The following BRF1 variants were observed in gnomAD, a reference collection of about 807,000 sequenced individuals.
BRF1 encodes the protein BRF1 general transcription factor IIIB subunit.
BRF1 carries 59 observed loss-of-function variants against 81.7 expected under a neutral mutation model. The observed-to-expected ratio is 0.72, with a 90% confidence interval of 0.59 to 0.90. The LOEUF (loss-of-function observed/expected upper bound fraction) is 0.90. BRF1 is among the 40% of genes least tolerant of loss of function. The pLI, the probability that BRF1 is intolerant of heterozygous loss-of-function variation, is 0.00. For synonymous variants in BRF1, 491 were observed against 395.6 expected, an observed-to-expected ratio of 1.24 and a Z score of -2.86; for missense variants, 1,050 against 936.3, an observed-to-expected ratio of 1.12 and a Z score of -1.58.
intron 2 of BRF1, among the ~76,000 whole-genome samples, chr14:105,275,035 C>T (rs2056823436): frequency 6.6e-6 from 1 of 152,202 alleles, no homozygotes; most frequent in South Asian, 2.1e-4. Context: ...GCCTCCATCC[C>T]CATATAAAGT....
At chr14:105,243,644 G>A (rs1248288673) in intron 5 of BRF1, among the ~76,000 whole-genome samples, 1 of 151,840 alleles carries the variant, frequency 6.6e-6, no homozygotes, top group Non-Finnish European at 1.5e-5. Context: ...ACTAATGTGG[G>A]TGAGACTTTG....
At position 105,210,405 on chromosome 14, in the gene BRF1, A is replaced by G; in HGVS notation, c.*146T>C. ...ACACAATCCCAATGGTAAGTTCCAC[A>G]TGGGACGAGGGCTGTGGGACAGGTG... is the stretch of plus-strand genomic sequence containing the variant. On this transcript the variant is annotated 3_prime_UTR_variant, in exon 18 of 18. Transcript: ENST00000547530. The surrounding 1 kb of genome is among the most constrained non-coding windows in gnomAD (Gnocchi z 4.7). 1.2e-6 allele frequency: 1 copy of G among 804,102 alleles called. No homozygotes were observed. The highest frequency in any genetic ancestry group is 2.0e-6 in the Non-Finnish European group (1 of 508,814). 49.8% of individuals were successfully genotyped at this position (804,102 alleles called of 1,614,324 possible).
At chr14:105,281,583 A>T (rs1259808498) in intron 2 of BRF1, among the ~76,000 whole-genome samples, 1 of 151,886 alleles carries the variant, frequency 6.6e-6, no homozygotes, top group Non-Finnish European at 1.5e-5. Flanking sequence ...CGTGATCCTG[A>T]TGAGTCGATG....
At chr14:105,242,414 C>T (rs899790587) in intron 5 of BRF1, 15 of 152,000 alleles carry the variant, frequency 9.9e-5, no homozygotes, top group Non-Finnish European at 1.5e-4. Context: ...ATACAATCAT[C>T]GCAGCTAGAA....
intron 15 of BRF1, chr14:105,217,230 G>C (rs888516278): frequency 8.3e-6 from 4 of 484,518 alleles, no homozygotes; most frequent in African/African-American, 1.9e-5. Context: ...TCTTCTTCCC[G>C]AACCCAGGCT....
intron 1 of BRF1, among the ~76,000 whole-genome samples, chr14:105,307,570 T>G (rs1392646529): frequency 1.3e-5 from 2 of 152,158 alleles, no homozygotes; most frequent in African/African-American, 2.4e-5. Context: ...TCTTATCACA[T>G]TTGATCAAAA....
rs587726756 is a variant in BRF1, at chr14:105,275,189, G to A, written c.266-2295C>T. Among the ~76,000 whole-genome samples, 58 of 152,330 alleles carry A rather than the reference G, an allele frequency of 3.8e-4. 2 individuals carry two copies. The highest frequency in any genetic ancestry group is 2.7e-3 in the South Asian group (13 of 4,822). On this transcript the variant is annotated intron_variant, in intron 2 of 17. Transcript: ENST00000547530. Reference sequence around the variant, plus strand: ...GCTGAGCCTGCATCCCAAGGAAGCCGGTGGCCAGGGTACACAGTCTGGCAG... The same window carrying A: ...GCTGAGCCTGCATCCCAAGGAAGCCAGTGGCCAGGGTACACAGTCTGGCAG...
chr14:105,245,365 A>AT (rs587746175), intron 5 of BRF1, among the ~76,000 whole-genome samples: 2 of 152,146 alleles, frequency 1.3e-5, no homozygotes, highest in African/African-American at 4.8e-5. Flanking sequence ...CATCTCAAAA[A>AT]AAATAAATAA....
chr14:105,254,470 G>C (rs1009699659), intron 4 of BRF1, among the ~76,000 whole-genome samples: 6 of 152,136 alleles, frequency 3.9e-5, no homozygotes, highest in Admixed American at 3.9e-4. Context: ...CGTTAGACAG[G>C]ATGGTCTCGA....
At chr14:105,260,405 C>T (rs769829316) in intron 3 of BRF1, among the ~76,000 whole-genome samples, 4 of 151,868 alleles carry the variant, frequency 2.6e-5, no homozygotes, top group Non-Finnish European at 4.4e-5. Flanking sequence ...GAAGTCTTGC[C>T]CTGTCGCCCA....
At chr14:105,248,337 G>C in intron 5 of BRF1, 3 of 985,474 alleles carry the variant, frequency 3.0e-6, no homozygotes, top group Non-Finnish European at 2.4e-6. Context: ...ACTGAAGAAC[G>C]GGCGCAAGCA....
At chr14:105,248,183 C>A in intron 5 of BRF1, 1 of 985,488 alleles carries the variant, frequency 1.0e-6, no homozygotes, top group Non-Finnish European at 1.2e-6. Context: ...TGGCTGCTGG[C>A]GTCCGTAGCA....
chr14:105,293,318 A>C (rs2057597144), intron 1 of BRF1, among the ~76,000 whole-genome samples: 1 of 152,220 alleles, frequency 6.6e-6, no homozygotes, highest in African/African-American at 2.4e-5. Flanking sequence ...GTCCGGCTGC[A>C]TCGTGACCCC....
intron 3 of BRF1, among the ~76,000 whole-genome samples, chr14:105,268,646 C>T (rs764027622): frequency 6.6e-6 from 1 of 152,230 alleles, no homozygotes; most frequent in Non-Finnish European, 1.5e-5. Context: ...CAGCCCTGGG[C>T]TCAGGGCACT....
upstream of BRF1, among the ~76,000 whole-genome samples, chr14:105,304,995 CA>C (rs1175224164): frequency 1.3e-5 from 2 of 152,250 alleles, no homozygotes. Context: ...TGTGTTCCCC[CA>C]AAGTCCATAT....
At chr14:105,277,651 C>T (rs2056901704) in intron 2 of BRF1, among the ~76,000 whole-genome samples, 1 of 152,260 alleles carries the variant, frequency 6.6e-6, no homozygotes, top group Admixed American at 6.5e-5. Context: ...GTGTGAGAAA[C>T]ACATTCCTGC....
At position 105,222,765 on chromosome 14, in the gene BRF1, A is replaced by G. The variant is rs587733251; in HGVS notation, c.1049-851T>C. On this transcript the variant is annotated intron_variant, in intron 10 of 17. Coordinates refer to ENST00000547530, the MANE Select transcript of BRF1 (RefSeq NM_001519.4). The stretch of plus-strand genomic sequence containing the variant: ...TGCCTCAGCCTCCTGAGTAGCTGGG[A>G]CTACAGGCGCCCGCCACCACACCCG... Among the ~76,000 whole-genome samples, 1,002 of 151,882 alleles carry G rather than the reference A, an allele frequency of 6.6e-3. 10 individuals are homozygous for G. The highest frequency in any genetic ancestry group is 0.021 in the African/African-American group (878 of 41,418).
chr14:105,291,441 C>T lies in BRF1; in HGVS notation c.185-5065G>A, dbSNP rs587639408. 4.3e-4 allele frequency among the ~76,000 whole-genome samples: 65 copies of T among 152,226 alleles called. 1 individual carries two copies. Among genetic ancestry groups the T allele is most frequent in the African/African-American group, 1.3e-3 (56 of 41,528 alleles). On this transcript the variant is annotated intron_variant, in intron 1 of 17. Transcript: ENST00000547530. ...CAGTAATCTCGGCATTTTGGGAGGC[C>T]GATGTGGGTGGGTCACTTGAGGTCA...
rs918048311 is a variant in BRF1 at position 105,269,408 on chromosome 14, C to T, written c.439+3313G>A. Among the ~76,000 whole-genome samples the T allele has an allele frequency of 5.9e-5, 9 of 152,178 alleles. No homozygotes were observed. Among genetic ancestry groups the T allele is most frequent in the African/African-American group, 2.2e-4 (9 of 41,446 alleles). ...TTGTCCTTAGCAGCTTTATAAGGTA[C>T]AAGTTTGTGCCACAAACCTGCCTGT... On this transcript the variant is annotated intron_variant, in intron 3 of 17. Coordinates refer to ENST00000547530, the MANE Select transcript of BRF1 (RefSeq NM_001519.4). This position sits in a 1 kb window ranked among gnomAD's most constrained non-coding sequence, Gnocchi z 5.0.
Sources: gnomAD v4.1 joint callset for allele counts (sites outside exome capture counted in the v4.1 genomes callset) on GRCh38, gnomAD v4.1.1 for gene constraint, Gnocchi (gnomAD v3.1) non-coding constraint, MANE v1.5 for transcripts, NCBI Gene and HGNC (gene_info 2026-07-23, HGNC 2026-07-21) for gene names.